KIF3B: variants seen among roughly 807,000 people sequenced by gnomAD.
The protein encoded by KIF3B is kinesin family member 3B.
In KIF3B, 38 loss-of-function variants were observed where a neutral mutation model predicts 74.3. The ratio of observed to expected loss-of-function variants is 0.51; its 90% CI spans 0.39 to 0.67. The LOEUF (loss-of-function observed/expected upper bound fraction) is 0.67. Ranked by LOEUF, KIF3B falls within the 30% of genes least tolerant of loss-of-function variation. The pLI is 0.00. For missense variants in KIF3B, 649 were observed against 932.0 expected (o/e 0.70, Z 3.95); for synonymous variants, 326 against 342.5 (o/e 0.95, Z 0.53).
Position 32,330,182 on chromosome 20 carries a change from G to C in KIF3B, c.2010G>C (p.Arg670=). The C allele has an allele frequency of 6.2e-7, 1 of 1,613,986 alleles. No individual in the cohort carries two copies. Among genetic ancestry groups the C allele is most frequent in the Non-Finnish European group, 8.5e-7 (1 of 1,179,964 alleles). The change falls in exon 8 of 9, where the codon CGG becomes CGC. Residue 670 remains arginine (R), a synonymous_variant. Coordinates refer to ENST00000375712, the MANE Select transcript of KIF3B (RefSeq NM_004798.4). ...IVLLELDMPS[R]TTRDYEGPAI... ...TGTTAGAGCTGGACATGCCCAGCCG[G>C]ACCACCAGAGACTATGAGGGTCCAG...
intron 6 of KIF3B, 95 bp from the exon 7 acceptor site, chr20:32,327,461 C>T: frequency 1.1e-6 from 1 of 939,394 alleles, no homozygotes; most frequent in Non-Finnish European, 1.7e-6. Flanking sequence ...AGCCTGCAGT[C>T]CAGGGAGTTA....
intron 5 of KIF3B, 34 bp downstream of exon 5, chr20:32,316,908 C>T (rs756803155): frequency 1.4e-6 from 2 of 1,430,276 alleles, no homozygotes; most frequent in Non-Finnish European, 2.0e-6. Flanking sequence ...GCCCCCAAGC[C>T]ACTTGCTGAG....
At chr20:32,322,959 T>TATAC (rs1555896757) in intron 5 of KIF3B, among the ~76,000 whole-genome samples, 2 of 6,410 alleles carry the variant, frequency 3.1e-4, no homozygotes, top group Non-Finnish European at 4.1e-4. Context: ...TTTATATATA[T>TATAC]ACATATTTAT....
chr20:32,308,528 G>A (rs1470759920), intron 1 of KIF3B, among the ~76,000 whole-genome samples: 2 of 151,888 alleles, frequency 1.3e-5, no homozygotes, highest in Admixed American at 6.6e-5. Flanking sequence ...CTCGTGCCAC[G>A]GCCCCCTGAG....
rs948347995 is a variant in KIF3B at position 32,303,758 on chromosome 20, G to C, written c.-65-5955G>C. On this transcript the variant is annotated intron_variant, in intron 1 of 8. Coordinates refer to ENST00000375712, the MANE Select transcript of KIF3B (RefSeq NM_004798.4). ...TAATCCCAGCTATTCGGGAGGCTGA[G>C]GCAGGATAATTGCTTGAACCTTGGA... 2.6e-4 allele frequency among the ~76,000 whole-genome samples: 40 copies of C among 151,496 alleles called. 1 individual carries two copies. The highest frequency in any genetic ancestry group is 2.1e-4 in the South Asian group (1 of 4,786).
chr20:32,299,848 G>A lies in KIF3B; in HGVS notation c.-65-9865G>A, dbSNP rs557459273. On this transcript the variant is annotated intron_variant, in intron 1 of 8. Coordinates refer to ENST00000375712, the MANE Select transcript of KIF3B (RefSeq NM_004798.4). ...CTGTGACTCAGGCTGGAGTGCAGTG[G>A]TGTGATCCTGACTTGCTGCAGTCTT... Among the ~76,000 whole-genome samples the A allele has an allele frequency of 3.3e-5, 5 of 152,072 alleles. No homozygotes were observed. In the East Asian group the frequency reaches 9.7e-4, roughly 29 times the overall value.
At chr20:32,280,737 A>AAAAG (rs1221561089) in intron 1 of KIF3B, among the ~76,000 whole-genome samples, 11 of 151,134 alleles carry the variant, frequency 7.3e-5, no homozygotes, top group South Asian at 4.2e-4. Flanking sequence ...AAAAAAAAAA[A>AAAAG]AAAGAAAGAA....
In KIF3B at chr20:32,319,776, G is replaced by A. The variant is rs531984802; in HGVS notation, c.1748+2902G>A. On this transcript the variant is annotated intron_variant, in intron 5 of 8. Transcript: ENST00000375712. Reference sequence around the variant, plus strand: ...GATTTTTGTATTTTTAGTAGAGATGGGGTGTCACCATGTTGCCCAGGCTGG... The same window carrying A: ...GATTTTTGTATTTTTAGTAGAGATGAGGTGTCACCATGTTGCCCAGGCTGG... Among the ~76,000 whole-genome samples the A allele has an allele frequency of 6.4e-4, 97 of 150,594 alleles. 3 individuals are homozygous for A. Among genetic ancestry groups the A allele is most frequent in the Admixed American group, 6.3e-3 (94 of 14,872 alleles).
intron 5 of KIF3B, among the ~76,000 whole-genome samples, chr20:32,320,331 C>T (rs2047853717): frequency 2.0e-5 from 3 of 151,858 alleles, no homozygotes; most frequent in Non-Finnish European, 2.9e-5. Context: ...AAAAGATTTC[C>T]GTTGTGATAT....
At chr20:32,329,201 CTCAGCTAA>C (rs1198875969) in intron 7 of KIF3B, among the ~76,000 whole-genome samples, 2 of 152,216 alleles carry the variant, frequency 1.3e-5, no homozygotes, top group African/African-American at 2.4e-5. Flanking sequence ...TGCCAACACG[CTCAGCTAA>C]TTTTTGTATA....
At position 32,330,153 on chromosome 20, in the gene KIF3B, G is replaced by A. The variant is rs772877115; in HGVS notation, c.1981G>A (p.Val661Met). Residue 661 changes from valine to methionine, a missense_variant, in exon 8 of 9, where the codon GTG (valine) becomes ATG (methionine). Coordinates refer to ENST00000375712, the MANE Select transcript of KIF3B (RefSeq NM_004798.4). ...PEARYRAENI[V>M]LLELDMPSRT... ...TGTGCTTCTGCAGGCAGAAAACATT[G>A]TGCTGTTAGAGCTGGACATGCCCAG... The A allele has an allele frequency of 3.7e-6, 6 of 1,613,164 alleles. No homozygotes were observed. In the Admixed American group the frequency reaches 8.4e-5, roughly 22 times the overall value.
At chr20:32,289,106 T>G (rs1258627020) in intron 1 of KIF3B, among the ~76,000 whole-genome samples, 1 of 151,812 alleles carries the variant, frequency 6.6e-6, no homozygotes, top group Non-Finnish European at 1.5e-5. Context: ...AAAATTATGT[T>G]GAATGTAGTG....
intron 5 of KIF3B, among the ~76,000 whole-genome samples, chr20:32,324,633 A>G (rs1369567739): frequency 6.6e-6 from 1 of 152,174 alleles, no homozygotes; most frequent in Non-Finnish European, 1.5e-5. Flanking sequence ...TGGATCCATT[A>G]TTTCATTAGT....
At chr20:32,312,629 T>C (rs531837984) in intron 2 of KIF3B, among the ~76,000 whole-genome samples, 1 of 152,322 alleles carries the variant, frequency 6.6e-6, no homozygotes, top group African/African-American at 2.4e-5. Context: ...GTTCATGAGA[T>C]TTATCCATGT....
At chr20:32,323,259 A>C (rs1047222867) in intron 5 of KIF3B, among the ~76,000 whole-genome samples, 1 of 146,938 alleles carries the variant, frequency 6.8e-6, no homozygotes, top group South Asian at 2.1e-4. Context: ...TAAGTTTCTT[A>C]GTATTTTCTA....
At chr20:32,287,740 A>T (rs2047673713) in intron 1 of KIF3B, among the ~76,000 whole-genome samples, 1 of 152,208 alleles carries the variant, frequency 6.6e-6, no homozygotes, top group South Asian at 2.1e-4. Flanking sequence ...ATAATGTGTT[A>T]TACAGAATAT....
intron 1 of KIF3B, among the ~76,000 whole-genome samples, chr20:32,286,026 A>G (rs73906116): frequency 6.6e-6 from 1 of 152,338 alleles, no homozygotes; most frequent in African/African-American, 2.4e-5. Context: ...CATAATTTGC[A>G]TTAGAGAGGG....
At chr20:32,287,352 C>T (rs1254088714) in intron 1 of KIF3B, among the ~76,000 whole-genome samples, 1 of 151,042 alleles carries the variant, frequency 6.6e-6, no homozygotes, top group Non-Finnish European at 1.5e-5. Flanking sequence ...GATAGGGTGT[C>T]GCTCCGTTGC....
At chr20:32,300,434 C>T (rs546878945) in intron 1 of KIF3B, among the ~76,000 whole-genome samples, 13 of 152,230 alleles carry the variant, frequency 8.5e-5, no homozygotes, top group African/African-American at 1.9e-4. Flanking sequence ...TCCACCACCA[C>T]GCCCCCAATT....
Sources: allele counts gnomAD v4.1 joint callset (sites outside exome capture counted in the v4.1 genomes callset), GRCh38; gene constraint gnomAD v4.1.1; transcripts MANE v1.5; gene names NCBI Gene and HGNC (gene_info 2026-07-23, HGNC 2026-07-21).